The following FAM184B variants were observed in gnomAD, a reference collection of about 807,000 sequenced individuals.
The protein encoded by FAM184B is protein FAM184B.
In FAM184B, 111 loss-of-function variants were observed where a neutral mutation model predicts 135.9. The ratio of observed to expected loss-of-function variants is 0.82; its 90% CI spans 0.70 to 0.96. The LOEUF (loss-of-function observed/expected upper bound fraction) is 0.96. Ranked by LOEUF, FAM184B falls within the 40% of genes least tolerant of loss-of-function variation. FAM184B has a pLI of 0.00. For synonymous variants in FAM184B, 552 were observed against 524.8 expected (o/e 1.05, Z -0.71); for missense variants, 1,375 against 1,323.9 (o/e 1.04, Z -0.60).
chr4:17,732,357 G>A (rs1260623919), intron 1 of FAM184B, among the ~76,000 whole-genome samples: 1 of 152,142 alleles, frequency 6.6e-6, no homozygotes, highest in Non-Finnish European at 1.5e-5. Context: ...GAAGGAAATA[G>A]AGACACAAAA....
intron 1 of FAM184B, among the ~76,000 whole-genome samples, chr4:17,723,930 C>T (rs1298309468): frequency 6.6e-6 from 1 of 152,048 alleles, no homozygotes; most frequent in Non-Finnish European, 1.5e-5. Flanking sequence ...TGGAAGCTTC[C>T]AGTAGCACGT....
chr4:17,659,479 C>CACAACAGGTTTTTTATTTTCTTTTTG (rs1715861764), intron 9 of FAM184B, among the ~76,000 whole-genome samples: 1 of 149,714 alleles, frequency 6.7e-6, no homozygotes, highest in Non-Finnish European at 1.5e-5. Context: ...TGCTCATTAG[C>CACAACAGGTTTTTTATTTTCTTTTTG]ACAACAGGTT....
intron 14 of FAM184B, 103 bp downstream of exon 14, chr4:17,639,147 T>G (rs929730516): frequency 1.6e-6 from 2 of 1,258,830 alleles, no homozygotes; most frequent in African/African-American, 1.5e-5. Context: ...CCCAGGACTT[T>G]CAATTTGAAA....
chr4:17,653,864 A>G (rs1715699565), intron 10 of FAM184B, among the ~76,000 whole-genome samples: 1 of 118,688 alleles, frequency 8.4e-6, no homozygotes, highest in East Asian at 2.2e-4. Flanking sequence ...TCCTTATAAG[A>G]GGGCCGTAGG....
intron 1 of FAM184B, among the ~76,000 whole-genome samples, chr4:17,729,488 A>G (rs1328640849): frequency 6.6e-6 from 1 of 152,196 alleles, no homozygotes; most frequent in Non-Finnish European, 1.5e-5. Flanking sequence ...CCTAACTGGG[A>G]GGCACCCCCC....
Position 17,714,589 on chromosome 4 carries a change from G to A in FAM184B, c.142-4945C>T, listed in dbSNP as rs1692257330. Among the ~76,000 whole-genome samples, 4 of 152,068 alleles carry A rather than the reference G, an allele frequency of 2.6e-5. No individual in the cohort carries two copies. In the South Asian group the frequency reaches 8.3e-4, roughly 32 times the overall value. Reference sequence around the variant, plus strand: ...AACAGCATCTATTAGTACCTGTTTGGGGTCCCTGAGACTAACTCCAGGTTT... The same window carrying A: ...AACAGCATCTATTAGTACCTGTTTGAGGTCCCTGAGACTAACTCCAGGTTT... On this transcript the variant is annotated intron_variant, in intron 1 of 17. Transcript: ENST00000265018.
chr4:17,685,326 G>A (rs575511897), intron 7 of FAM184B, among the ~76,000 whole-genome samples: 23 of 151,142 alleles, frequency 1.5e-4, no homozygotes, highest in South Asian at 6.3e-4. Flanking sequence ...CGAGGCAGGC[G>A]GATCATGAGG....
intron 10 of FAM184B, 100 bp downstream of exon 10, chr4:17,658,249 CG>C: frequency 9.7e-7 from 1 of 1,031,918 alleles, no homozygotes. Context: ...GAAAGATGCT[CG>C]GGGGATTGGA....
intron 1 of FAM184B, among the ~76,000 whole-genome samples, chr4:17,713,853 A>G (rs1448316349): frequency 6.6e-6 from 1 of 152,206 alleles, no homozygotes; most frequent in Non-Finnish European, 1.5e-5. Flanking sequence ...CTGAATTTGC[A>G]ACCTCAGAAA....
intron 1 of FAM184B, among the ~76,000 whole-genome samples, chr4:17,746,470 C>A (rs896252063): frequency 2.0e-5 from 3 of 151,884 alleles, no homozygotes; most frequent in African/African-American, 7.3e-5. Context: ...GTGGCTCATG[C>A]CTGTGATCCC....
rs1161891876 is a variant in FAM184B, at chr4:17,629,334, A to G, written c.*3198T>C. Reference sequence around the variant, plus strand: ...TGACAGATACAGTAAGATGGTCCCTATCATAGTTCCATTTAATTTGCCAGC... The same window carrying G: ...TGACAGATACAGTAAGATGGTCCCTGTCATAGTTCCATTTAATTTGCCAGC... On this transcript the variant is annotated 3_prime_UTR_variant, in exon 18 of 18. Coordinates refer to ENST00000265018, the MANE Select transcript of FAM184B (RefSeq NM_015688.2). 6.6e-6 allele frequency: 1 copy of G among 152,206 alleles called. No individual in the cohort carries two copies. Among genetic ancestry groups the G allele is most frequent in the African/African-American group, 2.4e-5 (1 of 41,446 alleles). 9.4% of individuals were successfully genotyped at this position (152,206 alleles called of 1,614,324 possible).
chr4:17,682,228 A>T lies in FAM184B; in HGVS notation c.1596+6196T>A, dbSNP rs1162124426. On this transcript the variant is annotated intron_variant, in intron 7 of 17. Transcript: ENST00000265018. ...GGCACCAAAGGAATCTTCCGGAAAA[A>T]AATTTTCCCTCAGAATGATTATGAC... is the stretch of plus-strand genomic sequence containing the variant. 4.6e-5 allele frequency among the ~76,000 whole-genome samples: 7 copies of T among 152,272 alleles called. No individual in the cohort carries two copies. In the South Asian group the frequency reaches 1.0e-3, roughly 23 times the overall value.
chr4:17,708,699 A>C (rs1341698873), intron 2 of FAM184B, among the ~76,000 whole-genome samples, 193 bp downstream of exon 2: 16 of 53,878 alleles, frequency 3.0e-4, no homozygotes, highest in East Asian at 8.3e-4. Flanking sequence ...ATATATATAT[A>C]TATATATATA....
intron 1 of FAM184B, among the ~76,000 whole-genome samples, chr4:17,759,534 G>A (rs1245593346): frequency 1.3e-5 from 2 of 151,182 alleles, no homozygotes; most frequent in Admixed American, 1.3e-4. Flanking sequence ...ACAGAGTTTT[G>A]CTCTGTCACC....
At chr4:17,640,968 C>T (rs1276451322) in intron 13 of FAM184B, among the ~76,000 whole-genome samples, 1 of 151,930 alleles carries the variant, frequency 6.6e-6, no homozygotes, top group Non-Finnish European at 1.5e-5. Context: ...GATTGTGGCT[C>T]TGCCGCCCAG....
intron 1 of FAM184B, among the ~76,000 whole-genome samples, chr4:17,751,823 GCACACACACACA>G (rs3222789): frequency 9.5e-5 from 11 of 115,900 alleles, no homozygotes; most frequent in East Asian, 2.8e-4. Flanking sequence ...TAAAAACAAG[GCACACACACACA>G]CACACACACA....
chr4:17,676,041 A>G (rs1716302987), intron 7 of FAM184B, among the ~76,000 whole-genome samples: 1 of 152,148 alleles, frequency 6.6e-6, no homozygotes, highest in Non-Finnish European at 1.5e-5. Flanking sequence ...TGCATTCACA[A>G]CTTGGCTAAC....
At chr4:17,711,431 T>C (rs1717268834) in intron 1 of FAM184B, among the ~76,000 whole-genome samples, 1 of 151,866 alleles carries the variant, frequency 6.6e-6, no homozygotes, top group Non-Finnish European at 1.5e-5. Flanking sequence ...TGAGCAGAGA[T>C]TGCGCCACTG....
chr4:17,775,761 C>T (rs1384975117), intron 1 of FAM184B, among the ~76,000 whole-genome samples: 1 of 152,140 alleles, frequency 6.6e-6, no homozygotes, highest in East Asian at 1.9e-4. Context: ...AGTCAAATAT[C>T]ACATGTTCTC....
Sources: allele counts gnomAD v4.1 joint callset (sites outside exome capture counted in the v4.1 genomes callset), GRCh38; gene constraint gnomAD v4.1.1; transcripts MANE v1.5; gene names NCBI Gene and HGNC (gene_info 2026-07-23, HGNC 2026-07-21).